The following PCSK4 variants were observed in gnomAD, a reference collection of about 807,000 sequenced individuals.
PCSK4 encodes testicular tissue protein Li 135.
In PCSK4, 64 loss-of-function variants were observed where a neutral mutation model predicts 80.3. That is an observed-to-expected ratio of 0.80 (90% CI 0.65 to 0.98). The LOEUF is 0.98. PCSK4 is among the 50% of genes least tolerant of loss of function. The pLI is 0.00. For synonymous variants in PCSK4, 561 were observed against 487.6 expected (o/e 1.15, Z -1.98); for missense variants, 1,213 against 1,093.6 (o/e 1.11, Z -1.54).
Position 1,486,852 on chromosome 19 carries a change from C to G in PCSK4, c.1068+1G>C. ...GACCCTGTTGGGGCGGCTGCACTCA[C>G]GATCTGGGGGTCGGTGGCCACGCCG... is the stretch of plus-strand genomic sequence containing the variant. On this transcript the variant is annotated splice_donor_variant, in intron 8 of 14. Transcript: ENST00000300954. LOFTEE classifies it high-confidence loss of function. 1 of 1,594,740 alleles carries G rather than the reference C, an allele frequency of 6.3e-7. No homozygotes were observed. The highest frequency in any genetic ancestry group is 1.7e-5 in the Admixed American group (1 of 59,278).
chr19:1,489,787 GCT>G lies in PCSK4; in HGVS notation c.294+4_294+5del. On this transcript the variant is annotated splice_donor_5th_base_variant and intron_variant, in intron 2 of 14. Coordinates refer to ENST00000300954, the Ensembl canonical transcript of PCSK4. ...GGCAGGGGGTTGGCCTCCAGGCCAG[GCT>G]CACCTTGGGGTTTTTCTTCAGGTGC... The G allele has an allele frequency of 6.2e-7, 1 of 1,607,600 alleles. No homozygotes were observed. The highest frequency in any genetic ancestry group is 8.5e-7 in the Non-Finnish European group (1 of 1,176,896).
Position 1,481,958 on chromosome 19 carries a change from T to C in PCSK4, c.2069A>G (p.Asp690Gly), listed in dbSNP as rs1317905522. ...GGCAGCTCTAAGCCGGGGGCGGCTG[T>C]CGGGGGTGGTGGGTCCCATGCAGGA... The change falls in exon 15 of 15, where the codon GAC becomes GGC. Residue 690 changes from aspartate (D) to glycine (G), a missense_variant. Coordinates refer to ENST00000300954, the Ensembl canonical transcript of PCSK4. 6 of 1,593,972 alleles carry C rather than the reference T, an allele frequency of 3.8e-6. No homozygotes were observed. The African/African-American group carries it at 6.7e-5, about 18-fold the overall frequency.
chr19:1,483,885 G>C, exon 10 of PCSK4: 3 of 1,494,204 alleles, frequency 2.0e-6, no homozygotes, highest in Non-Finnish European at 1.8e-6. Flanking sequence ...CTGCAGGTGC[G>C]CCGGCTTGGA....
exon 3 of PCSK4, chr19:1,488,250 G>A (rs752525290): frequency 8.1e-6 from 13 of 1,613,376 alleles, no homozygotes; most frequent in Middle Eastern, 1.7e-4. Context: ...TTCACCCGCC[G>A]CTGCAGCGTC....
Position 1,482,768 on chromosome 19 carries a change from T to C in PCSK4, c.1696+128A>G, listed in dbSNP as rs185446592. The C allele has an allele frequency of 8.2e-5, 83 of 1,010,662 alleles. No individual in the cohort carries two copies. In the East Asian group the frequency reaches 1.4e-3, roughly 17 times the overall value. 62.6% of individuals were successfully genotyped at this position (1,010,662 alleles called of 1,614,324 possible). A position where few individuals can be genotyped will look rare whatever the true frequency, so the allele number is the denominator to read the frequency against. ...CCCGGGTGACTGCACGCCTACTGTG[T>C]GCATGTTCTCTTGGAGAAGGCCACT... On this transcript the variant is annotated intron_variant, in intron 13 of 14. Coordinates refer to ENST00000300954, the Ensembl canonical transcript of PCSK4.
intron 2 of PCSK4, among the ~76,000 whole-genome samples, chr19:1,489,128 T>C (rs963838267): frequency 1.5e-5 from 2 of 136,432 alleles, no homozygotes; most frequent in Admixed American, 1.5e-4. Flanking sequence ...GTAAGCCTCC[T>C]ACTTTTTTTT....
rs1482372840 is a variant in PCSK4 at position 1,490,342 on chromosome 19, C to CACAGT, written c.4_5insACTGT (p.Arg2HisfsTer84). On this transcript the variant is annotated frameshift_variant, in exon 1 of 15. Transcript: ENST00000300954. LOFTEE classifies it high-confidence loss of function. ...CAGCCACAGCGCAATCGGGGCGGGC[C>CACAGT]GCATGGAGGCGGGGCGGGAGCGGGG... 4 of 1,222,294 alleles carry CACAGT rather than the reference C, an allele frequency of 3.3e-6. No homozygotes were observed. The highest frequency in any genetic ancestry group is 4.5e-6 in the Non-Finnish European group (4 of 892,450). 75.7% of individuals were successfully genotyped at this position (1,222,294 alleles called of 1,614,324 possible).
chr19:1,486,970 G>A (rs1355113102), exon 8 of PCSK4: 2 of 1,609,310 alleles, frequency 1.2e-6, no homozygotes, highest in Admixed American at 3.3e-5. Flanking sequence ...AAAGCGTGTG[G>A]ATGCTGTTGG....
In PCSK4 at chr19:1,489,823, G is replaced by A. The variant is rs61735613; in HGVS notation, c.264C>T (p.Gly88=). The change falls in exon 2 of 15, where the codon GGC becomes GGT. Residue 88 remains glycine, a synonymous_variant. Coordinates refer to ENST00000300954, the Ensembl canonical transcript of PCSK4. The stretch of plus-strand genomic sequence containing the variant: ...GGTTTTTCTTCAGGTGCAGGCGGTG[G>A]CCCCAGTGCGGGGTCAGGGACTGCT... The A allele has an allele frequency of 1.4e-3, 2,240 of 1,610,344 alleles. 33 individuals are homozygous for A. In the African/African-American group the frequency reaches 0.025, roughly 18 times the overall value.
intron 11 of PCSK4, 27 bp from the exon 12 acceptor site, chr19:1,483,490 T>A (rs372096463): frequency 4.6e-4 from 512 of 1,106,946 alleles, no homozygotes; most frequent in Non-Finnish European, 5.5e-4. Flanking sequence ...GTGAGGACCC[T>A]CCTGCGGCCT....
chr19:1,488,335 G>A (rs551769390), intron 2 of PCSK4, 55 bp from the exon 3 acceptor site: 33 of 1,409,086 alleles, frequency 2.3e-5, no homozygotes, highest in Admixed American at 1.7e-4. Context: ...GGGGCCCCTC[G>A]TGGTTCAGGG....
At chr19:1,482,316 G>T in intron 14 of PCSK4, 37 bp downstream of exon 14, 9 of 1,534,076 alleles carry the variant, frequency 5.9e-6, no homozygotes, top group Non-Finnish European at 7.9e-6. Context: ...GGCCGCCACC[G>T]CCTCCCAGCA....
chr19:1,481,843 G>A, exon 15 of PCSK4: 1 of 1,570,462 alleles, frequency 6.4e-7, no homozygotes, highest in Non-Finnish European at 8.7e-7. Flanking sequence ...GGAGGTCCAT[G>A]GACATGCCGC....
chr19:1,482,220 A>T lies in PCSK4; in HGVS notation c.1820-13T>A. 1 of 1,526,520 alleles carries T rather than the reference A, an allele frequency of 6.6e-7. No homozygotes were observed. Among genetic ancestry groups the T allele is most frequent in the South Asian group, 1.2e-5 (1 of 83,076 alleles). 94.6% of individuals were successfully genotyped at this position (1,526,520 alleles called of 1,614,324 possible). A position where few individuals can be genotyped will look rare whatever the true frequency, so the allele number is the denominator to read the frequency against. On this transcript the variant is annotated splice_polypyrimidine_tract_variant and intron_variant, in intron 14 of 14. Transcript: ENST00000300954. ...GGGCCGTCACACGCTGCTCGGGGAC[A>T]CGCACGCAAAGGCCCGTCAGCTTGC...
chr19:1,487,312 G>A (rs201839083), exon 7 of PCSK4: 20 of 1,585,118 alleles, frequency 1.3e-5, no homozygotes, highest in East Asian at 9.0e-5. Flanking sequence ...GCATCCGTAC[G>A]CCTGCAGAGC....
intron 3 of PCSK4, 33 bp downstream of exon 3, chr19:1,488,155 G>A (rs369688594): frequency 6.5e-5 from 105 of 1,613,200 alleles, no homozygotes; most frequent in South Asian, 8.8e-5. Flanking sequence ...CAGCGGCCCC[G>A]TCCCCGTCTA....
Position 1,482,878 on chromosome 19 carries a change from G to T in PCSK4, c.1696+18C>A. 1 of 1,457,888 alleles carries T rather than the reference G, an allele frequency of 6.9e-7. No individual in the cohort carries two copies. Among genetic ancestry groups the T allele is most frequent in the Non-Finnish European group, 9.6e-7 (1 of 1,046,342 alleles). 90.3% of individuals were successfully genotyped at this position (1,457,888 alleles called of 1,614,324 possible). On this transcript the variant is annotated intron_variant, in intron 13 of 14. Transcript: ENST00000300954. ...GGAGAGCCAAGCCCCGCCCACCACA[G>T]CCCCGCCCCGCCCTCACCCGTGTTG...
At chr19:1,481,458 C>CT (rs2145303576) in exon 15 of PCSK4, 1 of 310,236 alleles carries the variant, frequency 3.2e-6, no homozygotes, top group East Asian at 5.3e-5. Context: ...TTTGCAAACT[C>CT]TGAGGTTGGA....
At chr19:1,483,382 G>C (rs758258781) in exon 12 of PCSK4, 2 of 1,606,578 alleles carry the variant, frequency 1.2e-6, no homozygotes, top group Admixed American at 1.7e-5. Flanking sequence ...GCGCCTGCAC[G>C]TGCTCCAGCG....
Sources: allele counts gnomAD v4.1 joint callset (sites outside exome capture counted in the v4.1 genomes callset), GRCh38; gene constraint gnomAD v4.1.1; transcripts MANE v1.5; gene names NCBI Gene and HGNC (gene_info 2026-07-23, HGNC 2026-07-21).